The following RORA variants were observed in gnomAD, a reference collection of about 807,000 sequenced individuals.
RORA encodes nuclear receptor ROR-alpha.
In RORA, 7 loss-of-function variants were observed where a neutral mutation model predicts 69.5. The ratio of observed to expected loss-of-function variants is 0.10; its 90% CI spans 0.06 to 0.19. RORA has a LOEUF of 0.19. RORA is among the 10% of genes least tolerant of loss of function. RORA has a pLI of 1.00. For missense variants in RORA, 457 were observed against 663.0 expected, an observed-to-expected ratio of 0.69 and a Z score of 3.41; for synonymous variants, 261 against 240.8, an observed-to-expected ratio of 1.08 and a Z score of -0.78.
chr15:61,069,261 T>C (rs1639386854), intron 1 of RORA, among the ~76,000 whole-genome samples: 1 of 152,190 alleles, frequency 6.6e-6, no homozygotes. Flanking sequence ...AACTAGTTGA[T>C]CACTGCAAAT....
At chr15:61,104,995 G>GC (rs985104633) in intron 1 of RORA, among the ~76,000 whole-genome samples, 13 of 143,482 alleles carry the variant, frequency 9.1e-5, no homozygotes, top group African/African-American at 3.4e-4. Context: ...ATCATGAGGC[G>GC]CCCCCCCCAC....
intron 1 of RORA, among the ~76,000 whole-genome samples, chr15:60,812,162 C>T (rs2072753453): frequency 1.3e-5 from 2 of 152,150 alleles, no homozygotes; most frequent in African/African-American, 4.8e-5. Context: ...ATTTCTCCAT[C>T]TATAAAATGG....
Position 60,496,676 on chromosome 15 carries a change from CA to C in RORA, c.*778del, listed in dbSNP as rs1427668447. Reference sequence around the variant, plus strand: ...CTCTTAAAAATAATTTTGTAAACAGCAGCATAAATACCTCCCAACGTACCTT... The same window carrying C: ...CTCTTAAAAATAATTTTGTAAACAGCGCATAAATACCTCCCAACGTACCTT... On this transcript the variant is annotated 3_prime_UTR_variant, in exon 11 of 11. Coordinates refer to ENST00000335670, the MANE Select transcript of RORA (RefSeq NM_134261.3). This position sits in a 1 kb window ranked among gnomAD's most constrained non-coding sequence, Gnocchi z 4.5. 1 of 152,096 alleles carries C rather than the reference CA, an allele frequency of 6.6e-6. No individual in the cohort carries two copies. The highest frequency in any genetic ancestry group is 1.5e-5 in the Non-Finnish European group (1 of 68,026). The allele number at this position is 152,096 out of a possible 1,614,324, so 9.4% of individuals were successfully genotyped here. A position where few individuals can be genotyped will look rare whatever the true frequency, so the allele number is the denominator to read the frequency against.
At chr15:61,028,300 T>A (rs1468236962) in intron 1 of RORA, among the ~76,000 whole-genome samples, 1 of 151,814 alleles carries the variant, frequency 6.6e-6, no homozygotes, top group East Asian at 1.9e-4. Flanking sequence ...AGGAGTTGAG[T>A]GGTTTATGGA....
chr15:61,087,797 G>A (rs1420130997), intron 1 of RORA, among the ~76,000 whole-genome samples: 2 of 152,184 alleles, frequency 1.3e-5, no homozygotes, highest in Non-Finnish European at 2.9e-5. Context: ...ATAACCCTGT[G>A]GGAATGGCAT....
At chr15:60,741,480 A>T (rs1307806108) in intron 1 of RORA, among the ~76,000 whole-genome samples, 1 of 152,206 alleles carries the variant, frequency 6.6e-6, no homozygotes, top group Non-Finnish European at 1.5e-5. Context: ...CTCCTTGGGT[A>T]AGAGCTTCTA....
At chr15:61,170,132 G>A (rs1259637002) in intron 1 of RORA, among the ~76,000 whole-genome samples, 3 of 152,164 alleles carry the variant, frequency 2.0e-5, no homozygotes, top group Non-Finnish European at 4.4e-5. Context: ...AAGACTTCCT[G>A]TATTGGTTTC....
At chr15:60,591,135 A>G (rs2068490394) in intron 2 of RORA, among the ~76,000 whole-genome samples, 1 of 152,212 alleles carries the variant, frequency 6.6e-6, no homozygotes, top group South Asian at 2.1e-4. Flanking sequence ...ACCGGTGGCT[A>G]GGACCCGCAG....
intron 1 of RORA, chr15:60,764,923 G>A (rs1278219427): frequency 1.3e-5 from 2 of 151,098 alleles, no homozygotes; most frequent in Middle Eastern, 3.2e-3. Context: ...AGCTGGAGAT[G>A]GCTTCTGTGC....
In RORA at chr15:60,979,283, TTTTTTTTTC is replaced by T. The variant is rs1893966788; in HGVS notation, c.166+249761_166+249769del. ...CTAGCCCTTGCTTTTTTTTTTTTTT[TTTTTTTTTC>T]CAAGAATATTTTGGCTATCCAATGT... On this transcript the variant is annotated intron_variant, in intron 1 of 10. Coordinates refer to ENST00000335670, the MANE Select transcript of RORA (RefSeq NM_134261.3). 1.9e-4 allele frequency among the ~76,000 whole-genome samples: 27 copies of T among 143,838 alleles called. 2 individuals carry two copies. The South Asian group carries it at 5.5e-3, about 30-fold the overall frequency. 94.4% of individuals were successfully genotyped at this position (143,838 alleles called of 152,430 possible). A position where few individuals can be genotyped will look rare whatever the true frequency, so the allele number is the denominator to read the frequency against.
chr15:61,000,180 C>A (rs914954938), intron 1 of RORA, among the ~76,000 whole-genome samples: 2 of 152,078 alleles, frequency 1.3e-5, no homozygotes, highest in African/African-American at 4.8e-5. Flanking sequence ...TTGGAAAATA[C>A]AGTTGATGGT....
intron 1 of RORA, among the ~76,000 whole-genome samples, chr15:61,143,823 G>C: frequency 6.6e-6 from 1 of 152,016 alleles, no homozygotes; most frequent in South Asian, 2.1e-4. Flanking sequence ...GGAAACAAAG[G>C]AACATTAGAA....
At chr15:61,112,350 G>A (rs2079013873) in intron 1 of RORA, among the ~76,000 whole-genome samples, 1 of 152,150 alleles carries the variant, frequency 6.6e-6, no homozygotes, top group Non-Finnish European at 1.5e-5. Flanking sequence ...TCCAGGAAAG[G>A]AAAGTAGCAC....
intron 1 of RORA, among the ~76,000 whole-genome samples, chr15:60,712,980 G>A (rs775297251): frequency 1.2e-4 from 18 of 151,956 alleles, no homozygotes; most frequent in Non-Finnish European, 2.5e-4. Context: ...TTGAACCTGG[G>A]TTAAGCAGGG....
intron 1 of RORA, among the ~76,000 whole-genome samples, chr15:60,826,737 C>T (rs1375998367): frequency 7.6e-6 from 1 of 131,998 alleles, no homozygotes; most frequent in Non-Finnish European, 1.6e-5. Context: ...CATTATTCTA[C>T]CTGCTCTCTC....
intron 2 of RORA, among the ~76,000 whole-genome samples, chr15:60,590,790 C>A (rs1046424592): frequency 6.6e-6 from 1 of 152,078 alleles, no homozygotes. Context: ...TGCTTAAGAG[C>A]GCGGATCACG....
chr15:60,556,118 A>G (rs1171048611), intron 2 of RORA, among the ~76,000 whole-genome samples: 4 of 147,972 alleles, frequency 2.7e-5, no homozygotes, highest in Non-Finnish European at 1.5e-5. Flanking sequence ...CAGACAGCAG[A>G]GAGATTTCTC....
Position 60,819,767 on chromosome 15 carries a change from A to ACACACACACACACGCG in RORA, c.167-141082_167-141081insCGCGTGTGTGTGTGTG, listed in dbSNP as rs1555455766. Among the ~76,000 whole-genome samples, 981 of 147,630 alleles carry ACACACACACACACGCG rather than the reference A, an allele frequency of 6.6e-3. 23 individuals carry two copies. The East Asian group carries it at 0.067, about 10-fold the overall frequency. ...CCCAGACACACACACACACACACAC[A>ACACACACACACACGCG]CACACACACACACACACACACACAC... On this transcript the variant is annotated intron_variant, in intron 1 of 10. Transcript: ENST00000335670.
intron 1 of RORA, among the ~76,000 whole-genome samples, chr15:60,988,763 T>G (rs1894284967): frequency 6.6e-6 from 1 of 152,098 alleles, no homozygotes; most frequent in Non-Finnish European, 1.5e-5. Context: ...TAACAGACAC[T>G]AACATCTTAA....
Sources: allele counts gnomAD v4.1 joint callset (sites outside exome capture counted in the v4.1 genomes callset), GRCh38; gene constraint gnomAD v4.1.1; non-coding constraint Gnocchi (gnomAD v3.1); transcripts MANE v1.5; gene names NCBI Gene and HGNC (gene_info 2026-07-23, HGNC 2026-07-21).